The following NTM variants were observed in gnomAD, a reference collection of about 807,000 sequenced individuals.
The protein encoded by NTM is IgLON family member 2.
A neutral mutation model predicts 42.1 loss-of-function variants in NTM; 13 were observed. The ratio of observed to expected loss-of-function variants is 0.31; its 90% CI spans 0.20 to 0.49. The LOEUF is 0.49. NTM is among the 20% of genes least tolerant of loss of function. The probability of loss-of-function intolerance (pLI) is 0.99; values close to 1 mark genes in which losing one functional copy is unlikely to be tolerated. For missense variants in NTM, 373 were observed against 452.8 expected (o/e 0.82, Z 1.60); for synonymous variants, 187 against 179.2 (o/e 1.04, Z -0.35).
chr11:131,394,948 C>T (rs891358434), intron 1 of NTM, among the ~76,000 whole-genome samples: 3 of 152,194 alleles, frequency 2.0e-5, no homozygotes, highest in Admixed American at 6.5e-5. Flanking sequence ...ATGGTGCTTG[C>T]AGTCTATCCA....
At chr11:132,100,637 A>T (rs1202973095) in intron 2 of NTM, among the ~76,000 whole-genome samples, 2 of 152,358 alleles carry the variant, frequency 1.3e-5, no homozygotes, top group South Asian at 4.1e-4. Context: ...TCACAGAAGC[A>T]CAACTTTCTA....
chr11:132,250,042 G>A (rs1017069769), intron 4 of NTM, among the ~76,000 whole-genome samples: 21 of 151,866 alleles, frequency 1.4e-4, no homozygotes, highest in African/African-American at 4.6e-4. Flanking sequence ...ATCCTCTTTC[G>A]AATTTCCTCT....
intron 1 of NTM, among the ~76,000 whole-genome samples, chr11:131,629,105 C>G (rs1170648419): frequency 2.0e-5 from 3 of 152,170 alleles, no homozygotes; most frequent in African/African-American, 7.2e-5. Context: ...GGGACAGTGC[C>G]CTTGTGCAGC....
intron 2 of NTM, among the ~76,000 whole-genome samples, chr11:131,947,576 A>T (rs944324285): frequency 6.6e-6 from 1 of 152,210 alleles, no homozygotes; most frequent in Non-Finnish European, 1.5e-5. Flanking sequence ...ACACGCTGGT[A>T]TGAAACATTC....
intron 1 of NTM, among the ~76,000 whole-genome samples, chr11:131,412,448 A>G (rs1223987817): frequency 6.6e-6 from 1 of 152,256 alleles, no homozygotes; most frequent in Non-Finnish European, 1.5e-5. Context: ...AACCCAAAGC[A>G]TAGATTTGTG....
intron 1 of NTM, chr11:131,536,128 A>T (rs1591973365): frequency 6.6e-6 from 1 of 152,172 alleles, no homozygotes; most frequent in Non-Finnish European, 1.5e-5. Context: ...GGGTACTTGC[A>T]CCCCAACAGC....
At chr11:132,151,803 A>G (rs1276707587) in intron 3 of NTM, among the ~76,000 whole-genome samples, 1 of 152,208 alleles carries the variant, frequency 6.6e-6, no homozygotes, top group Non-Finnish European at 1.5e-5. Context: ...AGAAGCCAGG[A>G]CATTCTGTTC....
intron 1 of NTM, chr11:131,671,566 AC>A (rs1463070185): frequency 2.0e-6 from 2 of 983,260 alleles, no homozygotes; most frequent in East Asian, 2.3e-4. Context: ...GGCTACCCTC[AC>A]CCTCCTCTGG....
Position 131,898,452 on chromosome 11 carries a change from A to G in NTM, c.83-13112A>G, listed in dbSNP as rs1249039855. ...CTGAGATCGAGTGATTATAAATAAG[A>G]CACTCTCCCCTTTTCTGTTCTTTTG... On this transcript the variant is annotated intron_variant, in intron 1 of 8. Transcript: ENST00000683400. Among the ~76,000 whole-genome samples, 4 of 152,186 alleles carry G rather than the reference A, an allele frequency of 2.6e-5. 1 individual carries two copies. Among genetic ancestry groups the G allele is most frequent in the Admixed American group, 2.6e-4 (4 of 15,288 alleles).
chr11:131,782,584 G>C (rs1383729581), intron 1 of NTM, among the ~76,000 whole-genome samples: 1 of 151,924 alleles, frequency 6.6e-6, no homozygotes, highest in Non-Finnish European at 1.5e-5. Context: ...GCATAAACAT[G>C]GACACAACAG....
chr11:131,432,546 A>G (rs1948735672), intron 1 of NTM, among the ~76,000 whole-genome samples: 1 of 152,198 alleles, frequency 6.6e-6, no homozygotes, highest in South Asian at 2.1e-4. Context: ...CAACTGAGAC[A>G]CAGTACAGTG....
At chr11:132,326,001 A>C (rs886677743) in intron 7 of NTM, among the ~76,000 whole-genome samples, 1 of 149,454 alleles carries the variant, frequency 6.7e-6, no homozygotes. Context: ...GGAACATCAC[A>C]CACTGGGGAC....
chr11:131,581,637 C>G (rs1209161679), intron 1 of NTM, among the ~76,000 whole-genome samples: 1 of 152,130 alleles, frequency 6.6e-6, no homozygotes, highest in Non-Finnish European at 1.5e-5. Flanking sequence ...GAATTGCCTG[C>G]TTTTTGGAAA....
In NTM at chr11:131,875,297, T is replaced by A. The variant is rs189106872; in HGVS notation, c.83-36267T>A. Among the ~76,000 whole-genome samples, 394 of 152,332 alleles carry A rather than the reference T, an allele frequency of 2.6e-3. 2 individuals carry two copies. The highest frequency in any genetic ancestry group is 8.6e-3 in the African/African-American group (359 of 41,580). Reference sequence around the variant, plus strand: ...TACACTTTAAAAGAAAAAAAGAGATTGAACATCACTGCTTATAATATTTGG... The same window carrying A: ...TACACTTTAAAAGAAAAAAAGAGATAGAACATCACTGCTTATAATATTTGG... On this transcript the variant is annotated intron_variant, in intron 1 of 8. Transcript: ENST00000683400.
intron 1 of NTM, among the ~76,000 whole-genome samples, chr11:131,694,183 C>A (rs2075144145): frequency 6.6e-6 from 1 of 152,204 alleles, no homozygotes; most frequent in African/African-American, 2.4e-5. Flanking sequence ...TGAGAACATG[C>A]ATTTAAAGCA....
At chr11:132,218,563 C>T (rs567715951) in intron 4 of NTM, among the ~76,000 whole-genome samples, 1 of 152,136 alleles carries the variant, frequency 6.6e-6, no homozygotes, top group Non-Finnish European at 1.5e-5. Flanking sequence ...AGGCTCTCTA[C>T]CTAGGGTATC....
At chr11:132,202,732 A>T (rs1234173011) in intron 3 of NTM, among the ~76,000 whole-genome samples, 1 of 152,236 alleles carries the variant, frequency 6.6e-6, no homozygotes, top group East Asian at 1.9e-4. Context: ...TCCATCAGGA[A>T]TGACTAAAAC....
intron 1 of NTM, among the ~76,000 whole-genome samples, chr11:131,862,573 G>T (rs2046755104): frequency 6.6e-6 from 1 of 152,154 alleles, no homozygotes; most frequent in Non-Finnish European, 1.5e-5. Context: ...TGATGGTAAG[G>T]TTATATTTTA....
intron 1 of NTM, among the ~76,000 whole-genome samples, chr11:131,448,129 G>A (rs1197405383): frequency 6.6e-6 from 1 of 152,202 alleles, no homozygotes; most frequent in Non-Finnish European, 1.5e-5. Context: ...CCGGGTGAGT[G>A]CCCACTCTCA....
Sources: gnomAD v4.1 joint callset for allele counts (sites outside exome capture counted in the v4.1 genomes callset) on GRCh38, gnomAD v4.1.1 for gene constraint, MANE v1.5 for transcripts, NCBI Gene and HGNC (gene_info 2026-07-23, HGNC 2026-07-21) for gene names.